The following PCDHA5 variants were observed in gnomAD, a reference collection of about 807,000 sequenced individuals.
The protein encoded by PCDHA5 is protocadherin alpha-5.
PCDHA5 carries 43 observed loss-of-function variants against 61.6 expected under a neutral mutation model. The observed-to-expected ratio is 0.70, with a 90% CI of 0.55 to 0.90. The LOEUF (loss-of-function observed/expected upper bound fraction) is 0.90. Ranked by LOEUF, PCDHA5 falls within the 40% of genes least tolerant of loss-of-function variation. The probability of loss-of-function intolerance (pLI) is 0.00; values close to 1 mark genes in which losing one functional copy is unlikely to be tolerated. For missense variants in PCDHA5, 1,298 were observed against 1,222.7 expected (o/e 1.06, Z -0.92); for synonymous variants, 627 against 543.9 (o/e 1.15, Z -2.13).
intron 1 of PCDHA5, chr5:140,842,764 C>A (rs1554139348): frequency 3.1e-6 from 5 of 1,594,666 alleles, no homozygotes; most frequent in Non-Finnish European, 4.3e-6. Flanking sequence ...CTGCGCGAGA[C>A]GCGGACGCGC....
chr5:140,863,326 G>T (rs782427157), intron 1 of PCDHA5: 3 of 1,432,470 alleles, frequency 2.1e-6, no homozygotes, highest in Non-Finnish European at 2.9e-6. Context: ...CAGCCTGTTA[G>T]TGCTCACGTT....
chr5:140,847,536 G>C (rs1162683759), intron 1 of PCDHA5: 1 of 149,444 alleles, frequency 6.7e-6, no homozygotes, highest in Non-Finnish European at 1.5e-5. Context: ...AGAATCTCAA[G>C]CATAGCTTTA....
chr5:140,877,949 A>G (rs1554170233), intron 1 of PCDHA5: 1 of 1,348,792 alleles, frequency 7.4e-7, no homozygotes, highest in East Asian at 2.6e-5. Flanking sequence ...AAACTATCGA[A>G]TGTCTCATCT....
chr5:140,963,771 GA>G (rs1459827253), intron 1 of PCDHA5, among the ~76,000 whole-genome samples: 2 of 152,164 alleles, frequency 1.3e-5, no homozygotes, highest in African/African-American at 4.8e-5. Context: ...ATTTCATGAC[GA>G]CAGCAACAAC....
chr5:140,953,522 G>A (rs246031), intron 1 of PCDHA5, among the ~76,000 whole-genome samples: 85,599 of 151,862 alleles, frequency 0.56, 24,738 homozygotes, highest in African/African-American at 0.69. Flanking sequence ...CAACAAAAAC[G>A]GGAAACTCAC....
chr5:140,926,928 G>T, intron 1 of PCDHA5: 1 of 1,574,878 alleles, frequency 6.3e-7, no homozygotes, highest in Non-Finnish European at 8.6e-7. Flanking sequence ...TATGTTTGTG[G>T]GTTTCCTGCG....
chr5:140,983,146 G>T (rs894953025), intron 3 of PCDHA5, among the ~76,000 whole-genome samples: 3 of 152,140 alleles, frequency 2.0e-5, no homozygotes, highest in Non-Finnish European at 4.4e-5. Flanking sequence ...TAGTGCCTTG[G>T]CATGCATGTT....
chr5:140,850,893 G>A, intron 1 of PCDHA5: 1 of 1,574,570 alleles, frequency 6.4e-7, no homozygotes, highest in Non-Finnish European at 8.7e-7. Flanking sequence ...TGGGAAGGTG[G>A]GTTTTTCTAG....
chr5:140,883,533 A>T, intron 1 of PCDHA5: 2 of 1,614,190 alleles, frequency 1.2e-6, no homozygotes, highest in South Asian at 2.2e-5. Flanking sequence ...TCAGCCTATG[A>T]ACTGGTGGTG....
chr5:140,963,221 T>C (rs2095749324), intron 1 of PCDHA5, among the ~76,000 whole-genome samples: 1 of 151,808 alleles, frequency 6.6e-6, no homozygotes, highest in Admixed American at 6.6e-5. Context: ...GTGTTTAGAG[T>C]AGACACTGTT....
chr5:140,870,829 G>A, intron 1 of PCDHA5: 1 of 1,613,790 alleles, frequency 6.2e-7, no homozygotes, highest in Non-Finnish European at 8.5e-7. Context: ...GGGAGGCGCA[G>A]TTAACAAGCT....
intron 1 of PCDHA5, among the ~76,000 whole-genome samples, chr5:140,826,393 A>C (rs2150143782): frequency 6.6e-6 from 1 of 152,156 alleles, no homozygotes; most frequent in Non-Finnish European, 1.5e-5. Flanking sequence ...AGAACTACTA[A>C]ATAGATCCAG....
intron 3 of PCDHA5, among the ~76,000 whole-genome samples, chr5:141,000,415 A>ATTT (rs1563651650): frequency 1.1e-5 from 1 of 87,398 alleles, no homozygotes; most frequent in South Asian, 4.0e-4. Flanking sequence ...ATATATATAT[A>ATTT]TATATATTTT....
At chr5:140,866,347 A>G (rs1554160242) in intron 1 of PCDHA5, 2 of 152,140 alleles carry the variant, frequency 1.3e-5, no homozygotes, top group Admixed American at 6.5e-5. Context: ...GGATTCAAGA[A>G]ATGTTTACAA....
At chr5:140,851,471 A>G in intron 1 of PCDHA5, 5 of 893,550 alleles carry the variant, frequency 5.6e-6, no homozygotes, top group Non-Finnish European at 6.8e-6. Context: ...ATGTCAATAA[A>G]TGTTATAAAC....
intron 1 of PCDHA5, chr5:140,967,010 C>G: frequency 6.2e-7 from 1 of 1,606,340 alleles, no homozygotes. Flanking sequence ...CATCAACCAT[C>G]TGGGTGCGCC....
intron 1 of PCDHA5, among the ~76,000 whole-genome samples, chr5:140,976,475 C>T (rs1160749030): frequency 1.3e-5 from 2 of 151,996 alleles, no homozygotes; most frequent in Non-Finnish European, 1.5e-5. Flanking sequence ...TGCTTGAATC[C>T]GGGAGGCAGA....
In PCDHA5 at chr5:141,002,220, G is replaced by GC. The variant is rs1319895049; in HGVS notation, c.2501-7407_2501-7406insC. ...AGTCCCCGGCTTTAATCAAAATGAT[G>GC]GGTTTTCTGGAAGCTCTTTATTAAC... On this transcript the variant is annotated intron_variant, in intron 3 of 3. Coordinates refer to ENST00000529859, the MANE Select transcript of PCDHA5 (RefSeq NM_018908.3). Among the ~76,000 whole-genome samples, 33 of 152,196 alleles carry GC rather than the reference G, an allele frequency of 2.2e-4. 1 individual carries two copies. Among genetic ancestry groups the GC allele is most frequent in the Admixed American group, 1.0e-3 (16 of 15,274 alleles).
chr5:140,877,908 T>G (rs1554170220), intron 1 of PCDHA5: 2 of 1,433,428 alleles, frequency 1.4e-6, no homozygotes, highest in East Asian at 2.5e-5. Context: ...ATAACTACAT[T>G]CTCTCATTTT....
Sources: allele counts gnomAD v4.1 joint callset (sites outside exome capture counted in the v4.1 genomes callset), GRCh38; gene constraint gnomAD v4.1.1; transcripts MANE v1.5; gene names NCBI Gene and HGNC (gene_info 2026-07-23, HGNC 2026-07-21).